PRKAA2: variants seen among roughly 807,000 people sequenced by gnomAD.
PRKAA2 encodes protein kinase AMP-activated catalytic subunit alpha 2.
A neutral mutation model predicts 56.3 loss-of-function variants in PRKAA2; 40 were observed. The ratio of observed to expected loss-of-function variants is 0.71; its 90% CI spans 0.55 to 0.92. The LOEUF (loss-of-function observed/expected upper bound fraction) is 0.92, where lower values mean the gene tolerates loss of function less well. Among genes scored for constraint, PRKAA2 ranks in the 40% least tolerant of loss-of-function variants. The pLI, the probability that PRKAA2 is intolerant of heterozygous loss-of-function variation, is 0.00. For missense variants in PRKAA2, 542 were observed against 686.9 expected (o/e 0.79, Z 2.36); for synonymous variants, 214 against 234.2 (o/e 0.91, Z 0.79).
At chr1:56,693,463 T>C (rs1418442) in intron 4 of PRKAA2, among the ~76,000 whole-genome samples, 56,427 of 151,936 alleles carry the variant, frequency 0.37, 11,419 homozygotes, top group Middle Eastern at 0.51. Flanking sequence ...TATTTTGATG[T>C]TTTCATGTTT....
At chr1:56,686,763 C>A (rs1481950488) in intron 2 of PRKAA2, among the ~76,000 whole-genome samples, 1 of 152,172 alleles carries the variant, frequency 6.6e-6, no homozygotes, top group East Asian at 1.9e-4. Flanking sequence ...TCCCACCAGT[C>A]CCCATGTTCA....
intron 6 of PRKAA2, among the ~76,000 whole-genome samples, chr1:56,703,374 CA>C (rs572892854): frequency 1.3e-5 from 2 of 151,354 alleles, no homozygotes; most frequent in Admixed American, 6.6e-5. Context: ...CCATATTTTC[CA>C]AAAAAAATTG....
intron 6 of PRKAA2, among the ~76,000 whole-genome samples, chr1:56,702,680 G>A (rs112024477): frequency 0.047 from 7,150 of 152,186 alleles, 250 homozygotes; most frequent in Non-Finnish European, 0.076. Flanking sequence ...CTTTTGCTGG[G>A]AATATCTGTT....
intron 2 of PRKAA2, among the ~76,000 whole-genome samples, chr1:56,682,703 C>T (rs375570443): frequency 6.6e-6 from 1 of 152,146 alleles, no homozygotes; most frequent in Non-Finnish European, 1.5e-5. Flanking sequence ...TAGAAGCAGA[C>T]AGACCAGTTG....
intron 2 of PRKAA2, among the ~76,000 whole-genome samples, chr1:56,674,817 AT>A: frequency 6.6e-6 from 1 of 152,168 alleles, no homozygotes; most frequent in African/African-American, 2.4e-5. Context: ...GATTCATCAC[AT>A]TTAGAAGTTG....
intron 6 of PRKAA2, among the ~76,000 whole-genome samples, chr1:56,699,333 T>TAGTA (rs1644278964): frequency 1.3e-5 from 2 of 152,122 alleles, no homozygotes; most frequent in African/African-American, 2.4e-5. Context: ...AGGTATCAGG[T>TAGTA]AGTAGTGATA....
chr1:56,678,317 A>G (rs1487863973), intron 2 of PRKAA2, among the ~76,000 whole-genome samples: 1 of 152,248 alleles, frequency 6.6e-6, no homozygotes, highest in Non-Finnish European at 1.5e-5. Context: ...TTAAACAGAG[A>G]GAGCAACCTT....
rs1193933257 is a variant in PRKAA2, at chr1:56,704,012, T to C, written c.830T>C (p.Phe277Ser). ...WFKQDLPSYL[F>S]PEDPSYDANV... ...AAACAAGATTTGCCCAGTTACTTAT[T>C]TCCTGAAGACCCTTCCTATGATGCT... The change falls in exon 7 of 9, where the codon TTT (phenylalanine) becomes TCT (serine). Residue 277 changes from phenylalanine (F) to serine (S), a missense_variant. This residue lies in a region of PRKAA2 where 198 missense variants were observed against 234.0 expected (regional missense o/e 0.85). Transcript: ENST00000371244. 1 of 1,613,212 alleles carries C rather than the reference T, an allele frequency of 6.2e-7. No individual in the cohort carries two copies. The highest frequency in any genetic ancestry group is 8.5e-7 in the Non-Finnish European group (1 of 1,179,424).
In PRKAA2 at chr1:56,674,382, T is replaced by A; in HGVS notation, c.96T>A (p.Ile32=). 1 of 1,544,460 alleles carries A rather than the reference T, an allele frequency of 6.5e-7. No individual in the cohort carries two copies. Among genetic ancestry groups the A allele is most frequent in the Non-Finnish European group, 8.7e-7 (1 of 1,151,356 alleles). The part of the protein sequence containing the change: ...LGVGTFGKVK[I]GEHQLTGHKV... ...TTTTTTCCTTTTTCTTTTCTTTAGT[T>A]GGAGAACATCAATTAACAGGCCATA... The change falls in exon 2 of 9, where the codon ATT becomes ATA. Residue 32 remains isoleucine, a splice_region_variant and synonymous_variant. Transcript: ENST00000371244.
chr1:56,698,698 C>T (rs1318415106), intron 6 of PRKAA2, among the ~76,000 whole-genome samples: 1 of 152,124 alleles, frequency 6.6e-6, no homozygotes, highest in Non-Finnish European at 1.5e-5. Flanking sequence ...TACTTACTGT[C>T]TCAATATTAT....
chr1:56,714,172 G>C lies in PRKAA2; in HGVS notation c.*6459G>C, dbSNP rs1210047102. 6.6e-6 allele frequency: 1 copy of C among 152,148 alleles called. No individual in the cohort carries two copies. The highest frequency in any genetic ancestry group is 1.5e-5 in the Non-Finnish European group (1 of 68,012). The allele number at this position is 152,148 out of a possible 1,614,324, so 9.4% of individuals were successfully genotyped here. A position where few individuals can be genotyped will look rare whatever the true frequency, so the allele number is the denominator to read the frequency against. On this transcript the variant is annotated 3_prime_UTR_variant, in exon 9 of 9. Coordinates refer to ENST00000371244, the MANE Select transcript of PRKAA2 (RefSeq NM_006252.4). The stretch of plus-strand genomic sequence containing the variant: ...TTATAAATGAATTTGATGAATGGCA[G>C]TTTTTATATTTTAACCCTTTAAAAA...
At chr1:56,675,647 CTTAA>C (rs1245719584) in intron 2 of PRKAA2, among the ~76,000 whole-genome samples, 4 of 151,862 alleles carry the variant, frequency 2.6e-5, no homozygotes, top group African/African-American at 9.7e-5. Context: ...CTCATTTTGA[CTTAA>C]TTATTTTTAA....
At chr1:56,687,395 TAGAG>T (rs1020213992) in intron 2 of PRKAA2, among the ~76,000 whole-genome samples, 1 of 152,040 alleles carries the variant, frequency 6.6e-6, no homozygotes, top group Non-Finnish European at 1.5e-5. Flanking sequence ...TATACATATG[TAGAG>T]AGAGGGGATA....
intron 2 of PRKAA2, among the ~76,000 whole-genome samples, chr1:56,681,796 T>C (rs1644157008): frequency 6.6e-6 from 1 of 152,204 alleles, no homozygotes; most frequent in South Asian, 2.1e-4. Flanking sequence ...GCGTGATGCC[T>C]CCAGCTTTGT....
chr1:56,704,088 T>A lies in PRKAA2; in HGVS notation c.906T>A (p.Cys302Ter). 1 of 1,614,198 alleles carries A rather than the reference T, an allele frequency of 6.2e-7. No homozygotes were observed. The highest frequency in any genetic ancestry group is 1.1e-5 in the South Asian group (1 of 91,084). Reference protein sequence around the residue: ...AVKEVCEKFECTESEVMNSLY... With the variant: ...AVKEVCEKFE ...AAGAAGTGTGTGAAAAATTTGAATG[T>A]ACAGAATCAGAAGTAATGAACAGTT... is the stretch of plus-strand genomic sequence containing the variant. Residue 302 changes from cysteine to a stop codon, truncating the protein, a stop_gained, in exon 7 of 9, where the codon TGT (cysteine) becomes TGA (stop). Transcript: ENST00000371244. LOFTEE classifies it high-confidence loss of function.
intron 8 of PRKAA2, among the ~76,000 whole-genome samples, chr1:56,706,856 AGTT>A (rs1257155301): frequency 6.6e-6 from 1 of 152,202 alleles, no homozygotes; most frequent in African/African-American, 2.4e-5. Context: ...GAGTTAGGGA[AGTT>A]GTTTTAAACG....
intron 1 of PRKAA2, among the ~76,000 whole-genome samples, chr1:56,664,742 C>A (rs544309911): frequency 6.6e-6 from 1 of 151,796 alleles, no homozygotes; most frequent in African/African-American, 2.4e-5. Context: ...TTAAACTCTG[C>A]GAGCCTGGGT....
At chr1:56,648,305 G>A (rs376362607) in intron 1 of PRKAA2, among the ~76,000 whole-genome samples, 5 of 152,228 alleles carry the variant, frequency 3.3e-5, no homozygotes, top group African/African-American at 4.8e-5. Flanking sequence ...CTTCATAAAC[G>A]TGATCGTTCA....
At chr1:56,704,600 A>G in intron 7 of PRKAA2, 125 bp downstream of exon 7, 1 of 1,111,896 alleles carries the variant, frequency 9.0e-7, no homozygotes, top group East Asian at 2.5e-5. Flanking sequence ...CACATTAAAA[A>G]CAAAACAAAT....
Sources: gnomAD v4.1 joint callset for allele counts (sites outside exome capture counted in the v4.1 genomes callset) on GRCh38, gnomAD v4.1.1 for gene constraint, gnomAD v4.1.1 regional missense constraint, MANE v1.5 for transcripts, NCBI Gene and HGNC (gene_info 2026-07-23, HGNC 2026-07-21) for gene names.